Variants in ZFYVE16 observed in about 807,000 individuals in gnomAD.
ZFYVE16 encodes the protein zinc finger FYVE domain-containing protein 16.
In ZFYVE16, 89 loss-of-function variants were observed where a neutral mutation model predicts 138.1. The observed-to-expected ratio is 0.64, with a 90% confidence interval of 0.54 to 0.77. The LOEUF (loss-of-function observed/expected upper bound fraction) is 0.77. Ranked by LOEUF, ZFYVE16 falls within the 30% of genes least tolerant of loss-of-function variation. ZFYVE16 has a pLI of 0.00. For synonymous variants in ZFYVE16, 596 were observed against 618.3 expected, an observed-to-expected ratio of 0.96 and a Z score of 0.53; for missense variants, 1,793 against 1,786.7, an observed-to-expected ratio of 1.00 and a Z score of -0.06.
rs187025851 is a variant in ZFYVE16 at position 80,430,104 on chromosome 5, C to T, written c.-40+2559C>T. On this transcript the variant is annotated intron_variant, in intron 2 of 18. Transcript: ENST00000505560. ...CCAAGCGGACGTAATAGACATCTACCGAACTCTCCACCCCAAATCAACAGA... is the reference window on the plus strand; with the variant it reads ...CCAAGCGGACGTAATAGACATCTACTGAACTCTCCACCCCAAATCAACAGA... Among the ~76,000 whole-genome samples the T allele has an allele frequency of 6.2e-3, 949 of 152,202 alleles. 10 individuals carry two copies. The highest frequency in any genetic ancestry group is 0.021 in the African/African-American group (877 of 41,524).
intron 6 of ZFYVE16, 98 bp downstream of exon 6, chr5:80,443,382 A>G (rs1580245594): frequency 1.1e-5 from 14 of 1,330,798 alleles, no homozygotes; most frequent in East Asian, 2.6e-5. Context: ...AAACCAGACT[A>G]GGTATCAAGA....
chr5:80,457,412 C>G (rs544792259), intron 14 of ZFYVE16, among the ~76,000 whole-genome samples: 1 of 152,302 alleles, frequency 6.6e-6, no homozygotes, highest in Non-Finnish European at 1.5e-5. Context: ...TGTTCACCCT[C>G]TGCTCCAACT....
At chr5:80,430,916 A>G (rs949755635) in intron 2 of ZFYVE16, among the ~76,000 whole-genome samples, 6 of 152,244 alleles carry the variant, frequency 3.9e-5, no homozygotes, top group African/African-American at 9.6e-5. Flanking sequence ...GAATAGATCA[A>G]TAACAGGCTC....
intron 15 of ZFYVE16, among the ~76,000 whole-genome samples, chr5:80,460,318 A>G (rs1298675153): frequency 2.6e-5 from 4 of 151,854 alleles, no homozygotes; most frequent in Admixed American, 2.6e-4. Context: ...GCTTTTTTCT[A>G]TTGGATTGTG....
chr5:80,471,780 A>G (rs1754408063), intron 15 of ZFYVE16, among the ~76,000 whole-genome samples: 1 of 152,188 alleles, frequency 6.6e-6, no homozygotes, highest in African/African-American at 2.4e-5. Context: ...AGGTTTGTTT[A>G]TGTTTTAGTA....
At chr5:80,470,592 G>A (rs898512907) in intron 15 of ZFYVE16, among the ~76,000 whole-genome samples, 2 of 151,970 alleles carry the variant, frequency 1.3e-5, no homozygotes, top group Non-Finnish European at 2.9e-5. Flanking sequence ...GCTCACTGCA[G>A]CCTTGAACTC....
chr5:80,455,926 T>C (rs193119601), intron 12 of ZFYVE16, 152 bp downstream of exon 12: 3 of 677,848 alleles, frequency 4.4e-6, no homozygotes, highest in East Asian at 3.2e-5. Context: ...ATTTTAACAT[T>C]AGTGCTCAGT....
intron 15 of ZFYVE16, among the ~76,000 whole-genome samples, chr5:80,464,964 G>T (rs1381089585): frequency 6.8e-6 from 1 of 147,324 alleles, no homozygotes; most frequent in Admixed American, 7.0e-5. Flanking sequence ...ACTCCTTTGT[G>T]TCATTATTGC....
At chr5:80,417,136 G>A (rs996786830) in intron 1 of ZFYVE16, among the ~76,000 whole-genome samples, 17 of 152,264 alleles carry the variant, frequency 1.1e-4, no homozygotes, top group African/African-American at 4.1e-4. Context: ...TTCAATTTCA[G>A]TATACAGATA....
Position 80,482,237 on chromosome 5 carries a change from A to G in ZFYVE16, c.*4860A>G, listed in dbSNP as rs1460680327. 6.6e-6 allele frequency: 1 copy of G among 152,274 alleles called. No homozygotes were observed. Among genetic ancestry groups the G allele is most frequent in the Non-Finnish European group, 1.5e-5 (1 of 68,056 alleles). The allele number at this position is 152,274 out of a possible 1,614,324, so 9.4% of individuals were successfully genotyped here. A position where few individuals can be genotyped will look rare whatever the true frequency, so the allele number is the denominator to read the frequency against. ...CTAAAAGTCTCAGCATAGAAGCTAT[A>G]AAAAGAAACAAGTGGAAATTGTAGA... is the stretch of plus-strand genomic sequence containing the variant. On this transcript the variant is annotated 3_prime_UTR_variant, in exon 19 of 19. Transcript: ENST00000505560.
chr5:80,448,549 T>C (rs1296373394), intron 8 of ZFYVE16, 145 bp downstream of exon 8: 5 of 754,642 alleles, frequency 6.6e-6, no homozygotes, highest in African/African-American at 3.6e-5. Context: ...GAAAGTCTTA[T>C]TATATAAAAA....
intron 14 of ZFYVE16, 75 bp from the exon 15 acceptor site, chr5:80,459,339 A>C (rs1752865183): frequency 3.1e-6 from 4 of 1,296,966 alleles, no homozygotes; most frequent in Non-Finnish European, 4.4e-6. Flanking sequence ...ATGCATATCC[A>C]CATTCTGCAT....
At chr5:80,428,108 G>A (rs1272995590) in intron 2 of ZFYVE16, among the ~76,000 whole-genome samples, 1 of 151,836 alleles carries the variant, frequency 6.6e-6, no homozygotes, top group Non-Finnish European at 1.5e-5. Flanking sequence ...GAAGAGAGCA[G>A]CGGTTCTCCC....
intron 1 of ZFYVE16, among the ~76,000 whole-genome samples, chr5:80,418,263 C>A (rs948978279): frequency 8.7e-5 from 13 of 149,116 alleles, no homozygotes; most frequent in African/African-American, 3.2e-4. Context: ...CTTTCCCCTC[C>A]TCTTTGCTCT....
intron 1 of ZFYVE16, among the ~76,000 whole-genome samples, chr5:80,421,940 C>G (rs1207654533): frequency 6.6e-6 from 1 of 152,104 alleles, no homozygotes; most frequent in Non-Finnish European, 1.5e-5. Flanking sequence ...ATAGAATGTT[C>G]TTGCATTTGT....
intron 1 of ZFYVE16, among the ~76,000 whole-genome samples, chr5:80,417,187 C>A (rs10059792): frequency 6.6e-6 from 1 of 152,170 alleles, no homozygotes; most frequent in Non-Finnish European, 1.5e-5. Flanking sequence ...CCATGGAAAA[C>A]AACTTTATCA....
intron 8 of ZFYVE16, 97 bp downstream of exon 8, chr5:80,448,501 G>A (rs747605820): frequency 1.3e-4 from 156 of 1,196,958 alleles, no homozygotes; most frequent in Non-Finnish European, 1.7e-4. Context: ...ACTTAGTTTG[G>A]TTGCAATATG....
At chr5:80,432,443 G>A (rs1483011639) in intron 2 of ZFYVE16, among the ~76,000 whole-genome samples, 1 of 152,134 alleles carries the variant, frequency 6.6e-6, no homozygotes, top group African/African-American at 2.4e-5. Context: ...ATTCAAGATG[G>A]GTTAAAGACT....
chr5:80,434,241 C>G, intron 3 of ZFYVE16, 24 bp downstream of exon 3: 1 of 1,609,684 alleles, frequency 6.2e-7, no homozygotes. Flanking sequence ...CCATTTTTGC[C>G]GCTAATGGGA....
Sources: gnomAD v4.1 joint callset for allele counts (sites outside exome capture counted in the v4.1 genomes callset) on GRCh38, gnomAD v4.1.1 for gene constraint, MANE v1.5 for transcripts, NCBI Gene and HGNC (gene_info 2026-07-23, HGNC 2026-07-21) for gene names.